Variants in CAB39L observed in about 807,000 individuals in gnomAD.
CAB39L encodes the protein calcium binding protein 39 like, also known as calcium-binding protein 39-like.
A neutral mutation model predicts 39.1 loss-of-function variants in CAB39L; 23 were observed. That is an observed-to-expected ratio of 0.59 (90% CI 0.42 to 0.83). The LOEUF (loss-of-function observed/expected upper bound fraction) is 0.83, where lower values mean the gene tolerates loss of function less well. CAB39L is among the 40% of genes least tolerant of loss of function. The pLI is 0.00. For synonymous variants in CAB39L, 126 were observed against 137.2 expected (o/e 0.92, Z 0.57); for missense variants, 366 against 391.9 (o/e 0.93, Z 0.56).
At chr13:49,429,738 G>T (rs139144160) in intron 3 of CAB39L, among the ~76,000 whole-genome samples, 10 of 152,244 alleles carry the variant, frequency 6.6e-5, no homozygotes, top group African/African-American at 2.4e-4. Context: ...TGCTTATTTA[G>T]AATGAAATAA....
rs761337228 is a variant in CAB39L at position 49,310,774 on chromosome 13, CAA to C, written c.*38_*39del. 6.3e-7 allele frequency: 1 copy of C among 1,599,938 alleles called. No homozygotes were observed. The highest frequency in any genetic ancestry group is 2.2e-5 in the East Asian group (1 of 44,776). ...GAAATGACACACTGTACAAACTGGA[CAA>C]ATGAGACGACTGACTGTGACAGGGG... is the stretch of plus-strand genomic sequence containing the variant. On this transcript the variant is annotated 3_prime_UTR_variant, in exon 11 of 11. Transcript: ENST00000409308.
intron 3 of CAB39L, among the ~76,000 whole-genome samples, chr13:49,418,714 A>C (rs895928343): frequency 1.8e-4 from 27 of 151,922 alleles, no homozygotes; most frequent in African/African-American, 6.5e-4. Flanking sequence ...AGGCATGTGC[A>C]ACCATGCCCG....
At chr13:49,361,518 AAG>A (rs943938705) in intron 5 of CAB39L, among the ~76,000 whole-genome samples, 7 of 146,514 alleles carry the variant, frequency 4.8e-5, no homozygotes, top group African/African-American at 7.5e-5. Flanking sequence ...AAAGAAAGGA[AAG>A]AGAGAGAGAG....
intron 2 of CAB39L, 42 bp downstream of exon 2, chr13:49,434,044 T>C: frequency 2.4e-6 from 1 of 421,998 alleles, no homozygotes; most frequent in South Asian, 1.7e-5. Flanking sequence ...AGAGTGTGTA[T>C]GCGTGTGCTT....
Position 49,313,354 on chromosome 13 carries a change from G to A in CAB39L, c.835-2361C>T, listed in dbSNP as rs185102813. Among the ~76,000 whole-genome samples the A allele has an allele frequency of 5.8e-3, 886 of 152,130 alleles. 6 individuals carry two copies. Among genetic ancestry groups the A allele is most frequent in the Non-Finnish European group, 8.0e-3 (547 of 67,992 alleles). On this transcript the variant is annotated intron_variant, in intron 10 of 10. Transcript: ENST00000409308. The stretch of plus-strand genomic sequence containing the variant: ...AAATTAGCCAGGCGTGGTGGCGGGC[G>A]CCTGTAGTCCCAGCTACTCGGGAGG...
At chr13:49,381,124 C>T (rs1440182527) in intron 4 of CAB39L, among the ~76,000 whole-genome samples, 1 of 152,168 alleles carries the variant, frequency 6.6e-6, no homozygotes, top group Admixed American at 6.5e-5. Flanking sequence ...GGCGGGGTTT[C>T]ACCATGTTGG....
intron 8 of CAB39L, among the ~76,000 whole-genome samples, chr13:49,343,334 AC>A (rs1298047316): frequency 6.6e-6 from 1 of 151,948 alleles, no homozygotes; most frequent in Non-Finnish European, 1.5e-5. Context: ...TCCCTCAACA[AC>A]CCTATGATTC....
At chr13:49,401,686 T>A (rs1956775149) in intron 3 of CAB39L, 1 of 152,230 alleles carries the variant, frequency 6.6e-6, no homozygotes, top group African/African-American at 2.4e-5. Flanking sequence ...TTCTCATCAC[T>A]TTTTTCTGTC....
At position 49,378,649 on chromosome 13, in the gene CAB39L, G is replaced by A. The variant is rs1315847583; in HGVS notation, c.112-1518C>T. 8.3e-5 allele frequency among the ~76,000 whole-genome samples: 5 copies of A among 60,466 alleles called. 2 individuals are homozygous for A. The highest frequency in any genetic ancestry group is 1.6e-4 in the Non-Finnish European group (5 of 30,924). The allele number at this position is 60,466 out of a possible 152,430, so 39.7% of individuals were successfully genotyped here. A position where few individuals can be genotyped will look rare whatever the true frequency, so the allele number is the denominator to read the frequency against. On this transcript the variant is annotated intron_variant, in intron 4 of 10. Transcript: ENST00000409308. Reference sequence around the variant, plus strand: ...CGGGAGGTGAGGGGCGCCTCTGCCTGGCCGCCCCTACTGGGAAGTGAGGAG... The same window carrying A: ...CGGGAGGTGAGGGGCGCCTCTGCCTAGCCGCCCCTACTGGGAAGTGAGGAG...
chr13:49,336,088 C>T (rs1241034576), intron 9 of CAB39L, among the ~76,000 whole-genome samples: 1 of 144,050 alleles, frequency 6.9e-6, no homozygotes, highest in Non-Finnish European at 1.5e-5. Flanking sequence ...AAGGAAAAAC[C>T]AAAATTGCAT....
chr13:49,416,838 T>A (rs148571546), intron 3 of CAB39L, among the ~76,000 whole-genome samples: 2 of 152,196 alleles, frequency 1.3e-5, no homozygotes, highest in Non-Finnish European at 2.9e-5. Context: ...ATTATTAATG[T>A]GCCTACTGAG....
chr13:49,418,809 C>G (rs1260473216), intron 3 of CAB39L, among the ~76,000 whole-genome samples: 1 of 151,964 alleles, frequency 6.6e-6, no homozygotes, highest in Admixed American at 6.6e-5. Context: ...GATCTACTCA[C>G]CTAGACCTCC....
At chr13:49,390,575 C>T (rs1408849091) in intron 3 of CAB39L, among the ~76,000 whole-genome samples, 3 of 152,064 alleles carry the variant, frequency 2.0e-5, no homozygotes, top group Non-Finnish European at 2.9e-5. Flanking sequence ...AGAGCAAACC[C>T]TGGGGGGGAT....
intron 3 of CAB39L, among the ~76,000 whole-genome samples, chr13:49,387,415 T>C (rs1956390108): frequency 6.6e-6 from 1 of 152,198 alleles, no homozygotes; most frequent in Admixed American, 6.5e-5. Context: ...AAAAGACGCA[T>C]GTTAGTCCAG....
chr13:49,396,812 C>CA (rs1215866307), intron 3 of CAB39L, among the ~76,000 whole-genome samples: 1 of 151,974 alleles, frequency 6.6e-6, no homozygotes, highest in Admixed American at 6.6e-5. Context: ...GTGTACATGG[C>CA]AAAAAATTGT....
rs545479497 is a variant in CAB39L, at chr13:49,436,093, T to C, written c.-245-1870A>G. 4.6e-5 allele frequency among the ~76,000 whole-genome samples: 7 copies of C among 152,378 alleles called. No homozygotes were observed. In the South Asian group the frequency reaches 1.2e-3, roughly 27 times the overall value. On this transcript the variant is annotated intron_variant, in intron 1 of 10. Coordinates refer to ENST00000409308, the MANE Select transcript of CAB39L (RefSeq NM_001079670.3). ...ATAAAATCTTTGGCTTATACTTTCG[T>C]AGACTTTAAACATGTTGTTCCATGG... is the stretch of plus-strand genomic sequence containing the variant.
chr13:49,329,883 T>C (rs1471817602), intron 10 of CAB39L, among the ~76,000 whole-genome samples: 1 of 152,146 alleles, frequency 6.6e-6, no homozygotes, highest in Non-Finnish European at 1.5e-5. Flanking sequence ...AGTCTTAAAA[T>C]AGACTCCACG....
chr13:49,348,786 G>C (rs1010674483), intron 7 of CAB39L, among the ~76,000 whole-genome samples: 14 of 152,120 alleles, frequency 9.2e-5, no homozygotes, highest in African/African-American at 3.4e-4. Flanking sequence ...TGCCTTTATA[G>C]ATCGTGTGCC....
chr13:49,400,485 T>C (rs1286642563), intron 3 of CAB39L, among the ~76,000 whole-genome samples: 3 of 151,316 alleles, frequency 2.0e-5, no homozygotes, highest in Non-Finnish European at 4.4e-5. Flanking sequence ...CACATGGTTA[T>C]ATTAGCTCTT....
Sources: gnomAD v4.1 joint callset for allele counts (sites outside exome capture counted in the v4.1 genomes callset) on GRCh38, gnomAD v4.1.1 for gene constraint, MANE v1.5 for transcripts, NCBI Gene and HGNC (gene_info 2026-07-23, HGNC 2026-07-21) for gene names.